Variants in CENPW observed in about 807,000 individuals in gnomAD.
The protein encoded by CENPW is centromere protein W.
Under a neutral mutation model 11.1 loss-of-function variants are expected in CENPW, and 3 were observed. The observed-to-expected ratio is 0.27, with a 90% CI of 0.12 to 0.70. CENPW has a LOEUF of 0.70. CENPW is among the 30% of genes least tolerant of loss of function. The pLI is 0.77. For synonymous variants in CENPW, 38 were observed against 42.0 expected (o/e 0.91, Z 0.37); for missense variants, 100 against 105.6 (o/e 0.95, Z 0.23).
At chr6:126,395,637 T>C in the CENPW span, among the ~76,000 whole-genome samples, 1 of 152,180 alleles carries the variant, frequency 6.6e-6, no homozygotes, top group African/African-American at 2.4e-5. Flanking sequence ...GTTAGGTGTT[T>C]ATTGTAGTCT....
the CENPW span, among the ~76,000 whole-genome samples, chr6:126,409,833 A>G: frequency 6.6e-6 from 1 of 151,872 alleles, no homozygotes; most frequent in Non-Finnish European, 1.5e-5. Flanking sequence ...CACAAGTAGC[A>G]TATAGTTGGG....
At chr6:126,463,914 T>C in the CENPW span, among the ~76,000 whole-genome samples, 1 of 152,022 alleles carries the variant, frequency 6.6e-6, no homozygotes, top group Non-Finnish European at 1.5e-5. Flanking sequence ...AATTTTTAAA[T>C]AAGATACCTT....
chr6:126,442,923 T>C, the CENPW span, among the ~76,000 whole-genome samples: 1 of 151,268 alleles, frequency 6.6e-6, no homozygotes, highest in Non-Finnish European at 1.5e-5. Context: ...TTCAGTTCTT[T>C]ATTTTTATAC....
chr6:126,373,265 C>T, the CENPW span, among the ~76,000 whole-genome samples: 1 of 152,112 alleles, frequency 6.6e-6, no homozygotes, highest in South Asian at 2.1e-4. Flanking sequence ...CTATTTTTAA[C>T]ACACTATGCT....
chr6:126,340,512 G>A (rs1780283071), intron 1 of CENPW, 113 bp downstream of exon 1: 2 of 1,464,234 alleles, frequency 1.4e-6, no homozygotes, highest in Non-Finnish European at 1.9e-6. Flanking sequence ...TCAGGCCCCT[G>A]TTTAAGGCAG....
chr6:126,469,887 G>T, the CENPW span, among the ~76,000 whole-genome samples: 1 of 152,160 alleles, frequency 6.6e-6, no homozygotes. Flanking sequence ...CATTCAAGAG[G>T]TGACCTCACT....
At chr6:126,354,675 T>A in the CENPW span, among the ~76,000 whole-genome samples, 1 of 152,142 alleles carries the variant, frequency 6.6e-6, no homozygotes, top group Non-Finnish European at 1.5e-5. Context: ...GTCTCCGTGG[T>A]AAAATCATCA....
chr6:126,479,152 T>C, the CENPW span, among the ~76,000 whole-genome samples: 1 of 152,052 alleles, frequency 6.6e-6, no homozygotes, highest in Admixed American at 6.6e-5. Context: ...CTATAGTCTG[T>C]TCTTTCATTG....
chr6:126,370,368 TCA>T, the CENPW span, among the ~76,000 whole-genome samples: 1 of 152,192 alleles, frequency 6.6e-6, no homozygotes, highest in Non-Finnish European at 1.5e-5. Context: ...TTTGTCATTT[TCA>T]CAGTGTTGAT....
chr6:126,462,532 TCA>T, the CENPW span, among the ~76,000 whole-genome samples: 358 of 111,908 alleles, frequency 3.2e-3, 1 homozygote, highest in East Asian at 0.063. Context: ...TCTCTCTCTC[TCA>T]CACACACACA....
In CENPW at chr6:126,340,327, C is replaced by G; in HGVS notation, c.54C>G (p.Pro18=). Residue 18 remains proline (P), a synonymous_variant, in exon 1 of 3, where the codon CCC becomes CCG. Coordinates refer to ENST00000368328, the MANE Select transcript of CENPW (RefSeq NM_001012507.4). The part of the protein sequence containing the change: ...SQRKQIKRKA[P]RGFLKRVFKR... The stretch of plus-strand genomic sequence containing the variant: ...GGAAGCAGATAAAGCGGAAGGCTCC[C>G]CGTGGCTTTCTAAAGCGAGTCTTCA... 1 of 1,614,062 alleles carries G rather than the reference C, an allele frequency of 6.2e-7. No homozygotes were observed. The highest frequency in any genetic ancestry group is 8.5e-7 in the Non-Finnish European group (1 of 1,180,020).
chr6:126,481,565 C>G, the CENPW span, among the ~76,000 whole-genome samples: 1 of 151,982 alleles, frequency 6.6e-6, no homozygotes, highest in Non-Finnish European at 1.5e-5. Flanking sequence ...GCAACCCCCT[C>G]CAGCAATAAT....
chr6:126,443,853 T>C, the CENPW span, among the ~76,000 whole-genome samples: 3 of 151,256 alleles, frequency 2.0e-5, no homozygotes, highest in African/African-American at 7.3e-5. Context: ...TAGAATACTA[T>C]GGAAGAGCTC....
At chr6:126,461,488 A>G in the CENPW span, among the ~76,000 whole-genome samples, 1 of 151,962 alleles carries the variant, frequency 6.6e-6, no homozygotes, top group Non-Finnish European at 1.5e-5. Context: ...TCAAAAAAAG[A>G]GTACTGACTT....
At chr6:126,457,075 A>G in the CENPW span, among the ~76,000 whole-genome samples, 2 of 151,546 alleles carry the variant, frequency 1.3e-5, no homozygotes, top group Non-Finnish European at 1.5e-5. Flanking sequence ...AGAAAAAGGA[A>G]TGTTTATACA....
the CENPW span, among the ~76,000 whole-genome samples, chr6:126,386,941 C>A: frequency 3.3e-5 from 5 of 151,734 alleles, no homozygotes; most frequent in South Asian, 1.0e-3. Context: ...GGAGTTTAGT[C>A]CATGTAATAC....
chr6:126,441,023 G>A, the CENPW span, among the ~76,000 whole-genome samples: 1 of 151,430 alleles, frequency 6.6e-6, no homozygotes, highest in Admixed American at 6.6e-5. Context: ...GAAGACTAAT[G>A]TCACACTTCT....
At chr6:126,423,316 G>C in the CENPW span, among the ~76,000 whole-genome samples, 1 of 151,888 alleles carries the variant, frequency 6.6e-6, no homozygotes, top group Non-Finnish European at 1.5e-5. Flanking sequence ...TTCTACATTT[G>C]TTCTAAACAG....
chr6:126,359,389 T>G, the CENPW span, among the ~76,000 whole-genome samples: 10 of 152,068 alleles, frequency 6.6e-5, no homozygotes, highest in Non-Finnish European at 1.5e-4. Flanking sequence ...GAGAAGAATG[T>G]ATATGCTGTG....
Sources: gnomAD v4.1 joint callset for allele counts (sites outside exome capture counted in the v4.1 genomes callset) on GRCh38, gnomAD v4.1.1 for gene constraint, MANE v1.5 for transcripts, NCBI Gene and HGNC (gene_info 2026-07-23, HGNC 2026-07-21) for gene names.